Variants in C1QTNF1 observed in about 807,000 individuals in gnomAD.
C1QTNF1 encodes the protein complement C1q tumor necrosis factor-related protein 1.
Under a neutral mutation model 27.8 loss-of-function variants are expected in C1QTNF1, and 22 were observed. The observed-to-expected ratio is 0.79, with a 90% CI of 0.56 to 1.13. The LOEUF is 1.13. Among genes scored for constraint, C1QTNF1 ranks in the 50% most tolerant of loss-of-function variants. The pLI, the probability that C1QTNF1 is intolerant of heterozygous loss-of-function variation, is 0.00. For missense variants in C1QTNF1, 373 were observed against 380.2 expected (o/e 0.98, Z 0.16); for synonymous variants, 166 against 154.3 (o/e 1.08, Z -0.56).
chr17:79,025,255 C>T (rs997849939), intron 1 of C1QTNF1, among the ~76,000 whole-genome samples: 13 of 152,168 alleles, frequency 8.5e-5, no homozygotes, highest in Admixed American at 1.3e-4. Flanking sequence ...GGTGTGGTCC[C>T]CACTGTTAGC....
At chr17:79,025,267 C>T (rs915167518) in intron 1 of C1QTNF1, among the ~76,000 whole-genome samples, 15 of 152,142 alleles carry the variant, frequency 9.9e-5, no homozygotes, top group African/African-American at 3.6e-4. Flanking sequence ...ACTGTTAGCC[C>T]GGGCCTCGCG....
chr17:79,042,412 T>C (rs1599300893), intron 1 of C1QTNF1, among the ~76,000 whole-genome samples: 1 of 151,978 alleles, frequency 6.6e-6, no homozygotes, highest in Non-Finnish European at 1.5e-5. Context: ...ATGGAGGGGG[T>C]CCTGCCCCAA....
At chr17:79,042,278 A>G (rs1334952395) in intron 1 of C1QTNF1, among the ~76,000 whole-genome samples, 1 of 152,250 alleles carries the variant, frequency 6.6e-6, no homozygotes, top group African/African-American at 2.4e-5. Flanking sequence ...CGAGGGGAGC[A>G]AGCCGCTCAC....
chr17:79,047,245 T>A (rs2072606436), intron 3 of C1QTNF1: 1 of 358,634 alleles, frequency 2.8e-6, no homozygotes, highest in Non-Finnish European at 5.0e-6. Flanking sequence ...TTTCTTTTTT[T>A]TTTTTTTTAC....
intron 1 of C1QTNF1, among the ~76,000 whole-genome samples, chr17:79,039,020 C>T (rs896245523): frequency 2.0e-5 from 3 of 152,214 alleles, no homozygotes; most frequent in African/African-American, 7.2e-5. Context: ...GGGCTCTCTG[C>T]TGGGGTTTCC....
chr17:79,041,589 C>G (rs1185473361), intron 1 of C1QTNF1: 3 of 152,208 alleles, frequency 2.0e-5, no homozygotes, highest in Admixed American at 2.0e-4. Flanking sequence ...ACCAGCCTGG[C>G]CAACGTGGTG....
intron 2 of C1QTNF1, 137 bp downstream of exon 2, chr17:79,044,260 G>A (rs537852733): frequency 1.9e-6 from 2 of 1,034,054 alleles, no homozygotes; most frequent in Non-Finnish European, 2.7e-6. Context: ...GGCCCTGCTG[G>A]AGGCTGGTCC....
rs966122336 is a variant in C1QTNF1 at position 79,046,287 on chromosome 17, G to A, written c.156-268G>A. Among the ~76,000 whole-genome samples the A allele has an allele frequency of 6.6e-6, 1 of 152,150 alleles. No individual in the cohort carries two copies. Among genetic ancestry groups the A allele is most frequent in the Non-Finnish European group, 1.5e-5 (1 of 68,030 alleles). ...TCTCTTAGAAGTGTGGATTTCTCCC[G>A]AGCAGCCCCCATCTTGCGTGGCACT... On this transcript the variant is annotated intron_variant, in intron 2 of 3. Transcript: ENST00000579760. This position sits in a 1 kb window ranked among gnomAD's most constrained non-coding sequence, Gnocchi z 4.8.
chr17:79,038,905 C>A (rs1048227186), intron 1 of C1QTNF1, among the ~76,000 whole-genome samples: 2 of 152,198 alleles, frequency 1.3e-5, no homozygotes, highest in Non-Finnish European at 2.9e-5. Context: ...AAGATCTTTT[C>A]AGGAAGGAAA....
In C1QTNF1 at chr17:79,048,079, C is replaced by G; in HGVS notation, c.837C>G (p.Thr279=). Residue 279 remains threonine, a synonymous_variant, in exon 4 of 4, where the codon ACC becomes ACG. Transcript: ENST00000579760. ...TFSGYLVKHA[T]EP is the part of the protein sequence containing the mutation. ...GTGGCTACCTGGTCAAGCACGCCACCGAGCCCTAGCTGGCCGGCCACCTCC... is the reference window on the plus strand; with the variant it reads ...GTGGCTACCTGGTCAAGCACGCCACGGAGCCCTAGCTGGCCGGCCACCTCC... 2 of 1,557,878 alleles carry G rather than the reference C, an allele frequency of 1.3e-6. No individual in the cohort carries two copies. Among genetic ancestry groups the G allele is most frequent in the Admixed American group, 1.8e-5 (1 of 55,178 alleles).
At chr17:79,045,466 G>C (rs1443778026) in intron 2 of C1QTNF1, among the ~76,000 whole-genome samples, 1 of 152,224 alleles carries the variant, frequency 6.6e-6, no homozygotes, top group African/African-American at 2.4e-5. Flanking sequence ...GGATGAGCTG[G>C]TGCGGGGAGG....
At chr17:79,047,437 G>C in intron 3 of C1QTNF1, 101 bp from the exon 4 acceptor site, 1 of 1,227,728 alleles carries the variant, frequency 8.1e-7, no homozygotes, top group South Asian at 1.6e-5. Context: ...GGGCTGTGAG[G>C]ACGAATCAGG....
chr17:79,039,637 A>G (rs1224632893), intron 1 of C1QTNF1, among the ~76,000 whole-genome samples: 1 of 152,026 alleles, frequency 6.6e-6, no homozygotes, highest in Non-Finnish European at 1.5e-5. Context: ...TGGGTGACAG[A>G]GCGAGACTCT....
At chr17:79,023,313 C>A (rs2071824800), upstream of C1QTNF1, among the ~76,000 whole-genome samples, 1 of 152,168 alleles carries the variant, frequency 6.6e-6, no homozygotes. Flanking sequence ...GCTTCTCTGG[C>A]CAAATCCTTC....
intron 1 of C1QTNF1, chr17:79,024,778 A>G (rs1197215104): frequency 6.6e-6 from 1 of 152,324 alleles, no homozygotes; most frequent in Non-Finnish European, 1.5e-5. Context: ...CTGCACGTGG[A>G]TACTAACGGG....
In C1QTNF1 at chr17:79,046,975, T is replaced by C. The variant is rs1275882635; in HGVS notation, c.295+281T>C. ...TCGGGGTCTCGTCCCTCCAGTTGTA[T>C]GTGGACGCCAGGCTTCTAGGCCCTT... On this transcript the variant is annotated intron_variant, in intron 3 of 3. Coordinates refer to ENST00000579760, the MANE Select transcript of C1QTNF1 (RefSeq NM_030968.5). The surrounding 1 kb of genome is among the most constrained non-coding windows in gnomAD (Gnocchi z 4.8). 1 of 447,112 alleles carries C rather than the reference T, an allele frequency of 2.2e-6. No homozygotes were observed. Among genetic ancestry groups the C allele is most frequent in the East Asian group, 4.0e-5 (1 of 25,076 alleles). 27.7% of individuals were successfully genotyped at this position (447,112 alleles called of 1,614,324 possible). A position where few individuals can be genotyped will look rare whatever the true frequency, so the allele number is the denominator to read the frequency against.
At chr17:79,032,130 G>A (rs1003345545) in intron 1 of C1QTNF1, among the ~76,000 whole-genome samples, 31 of 152,182 alleles carry the variant, frequency 2.0e-4, no homozygotes, top group African/African-American at 7.2e-4. Flanking sequence ...TGGAGTCTTG[G>A]GGACAGGACG....
chr17:79,024,694 C>G (rs2071879846), intron 1 of C1QTNF1, among the ~76,000 whole-genome samples, 200 bp downstream of exon 1: 1 of 152,248 alleles, frequency 6.6e-6, no homozygotes, highest in Non-Finnish European at 1.5e-5. Context: ...CTGGCTCAGC[C>G]CCCGCCATAG....
At chr17:79,026,439 C>CT (rs2071963291) in intron 1 of C1QTNF1, among the ~76,000 whole-genome samples, 8 of 152,192 alleles carry the variant, frequency 5.3e-5, no homozygotes, top group Admixed American at 5.2e-4. Flanking sequence ...CAGGGGTGAG[C>CT]CACCGCGCCT....
Sources: allele counts gnomAD v4.1 joint callset (sites outside exome capture counted in the v4.1 genomes callset), GRCh38; gene constraint gnomAD v4.1.1; non-coding constraint Gnocchi (gnomAD v3.1); transcripts MANE v1.5; gene names NCBI Gene and HGNC (gene_info 2026-07-23, HGNC 2026-07-21).